Variants in CNOT7 observed in about 807,000 individuals in gnomAD.
The protein encoded by CNOT7 is CCR4-NOT transcription complex subunit 7, also known as BTG1-binding factor 1.
CNOT7 carries 4 observed loss-of-function variants against 37.1 expected under a neutral mutation model. The observed-to-expected ratio is 0.11, with a 90% CI of 0.05 to 0.25. The LOEUF (loss-of-function observed/expected upper bound fraction) is 0.25. CNOT7 is among the 10% of genes least tolerant of loss of function. The probability of loss-of-function intolerance (pLI) is 1.00; values close to 1 mark genes in which losing one functional copy is unlikely to be tolerated. For missense variants in CNOT7, 170 were observed against 336.2 expected (o/e 0.51, Z 3.87); for synonymous variants, 128 against 115.6 (o/e 1.11, Z -0.69).
chr8:17,231,914 A>C, intron 6 of CNOT7: 1 of 986,842 alleles, frequency 1.0e-6, no homozygotes, highest in Non-Finnish European at 1.2e-6. Context: ...TTAAGACTCA[A>C]TGCAGTAAAA....
At chr8:17,233,614 G>A in intron 5 of CNOT7, among the ~76,000 whole-genome samples, 1 of 152,048 alleles carries the variant, frequency 6.6e-6, no homozygotes, top group Non-Finnish European at 1.5e-5. Context: ...AAAAAAGTCA[G>A]ATGAAAACAT....
chr8:17,246,321 A>C (rs1811063234), intron 1 of CNOT7: 1 of 152,268 alleles, frequency 6.6e-6, no homozygotes, highest in Non-Finnish European at 1.5e-5. Flanking sequence ...TTCCCTGGCA[A>C]AGCGCCAGTG....
intron 3 of CNOT7, among the ~76,000 whole-genome samples, chr8:17,239,315 C>T (rs1221091125): frequency 6.6e-6 from 1 of 152,172 alleles, no homozygotes; most frequent in African/African-American, 2.4e-5. Flanking sequence ...CAACTGGCCT[C>T]CCGAAGTGCT....
At chr8:17,233,449 C>G (rs1469296971) in intron 5 of CNOT7, among the ~76,000 whole-genome samples, 1 of 152,186 alleles carries the variant, frequency 6.6e-6, no homozygotes, top group African/African-American at 2.4e-5. Flanking sequence ...GGTCAAAAAG[C>G]ACCTTTGTCG....
chr8:17,240,681 A>G (rs1000124923), intron 3 of CNOT7, among the ~76,000 whole-genome samples: 22 of 152,368 alleles, frequency 1.4e-4, no homozygotes, highest in African/African-American at 5.3e-4. Flanking sequence ...TTTAAAAACA[A>G]TGTTCTAATT....
At chr8:17,236,007 T>C (rs1251207798) in intron 4 of CNOT7, among the ~76,000 whole-genome samples, 2 of 152,158 alleles carry the variant, frequency 1.3e-5, no homozygotes, top group Non-Finnish European at 2.9e-5. Flanking sequence ...TCCAGTTCTT[T>C]TGCACCTTCA....
chr8:17,243,455 AAG>A (rs1396302551), intron 2 of CNOT7: 6 of 570,942 alleles, frequency 1.1e-5, no homozygotes, highest in African/African-American at 1.8e-5. Context: ...ATAACCAAGA[AAG>A]GGGGGAAAAT....
At chr8:17,232,683 GAA>G (rs1808789350) in intron 5 of CNOT7, 146 bp from the exon 6 acceptor site, 1 of 653,676 alleles carries the variant, frequency 1.5e-6, no homozygotes, top group Non-Finnish European at 2.6e-6. Flanking sequence ...AAGAAACAGA[GAA>G]TGTGAATTAC....
chr8:17,231,594 C>G (rs565972518), intron 6 of CNOT7: 1 of 985,200 alleles, frequency 1.0e-6, no homozygotes, highest in South Asian at 4.7e-5. Context: ...AATTTAATGT[C>G]TAAGAGAAAA....
At position 17,226,005 on chromosome 8, in the gene CNOT7, C is replaced by A. The variant is rs1265886754; in HGVS notation, c.*4715G>T. On this transcript the variant is annotated 3_prime_UTR_variant, in exon 7 of 7. Coordinates refer to ENST00000361272, the MANE Select transcript of CNOT7 (RefSeq NM_013354.7). ...AGGACAGACATAGACCCTTGAGTTT[C>A]TTCTAGTAGAGAGGTGGACAAGCCT... 9.8e-6 allele frequency: 1 copy of A among 102,034 alleles called. No individual in the cohort carries two copies. The highest frequency in any genetic ancestry group is 2.0e-5 in the Non-Finnish European group (1 of 50,204). 6.3% of individuals were successfully genotyped at this position (102,034 alleles called of 1,614,324 possible). A position where few individuals can be genotyped will look rare whatever the true frequency, so the allele number is the denominator to read the frequency against.
chr8:17,233,204 G>T (rs980622276), intron 5 of CNOT7, among the ~76,000 whole-genome samples: 1 of 152,172 alleles, frequency 6.6e-6, no homozygotes, highest in African/African-American at 2.4e-5. Flanking sequence ...GGAGAGTAAA[G>T]GGAGGGGAGA....
At chr8:17,236,304 C>T (rs905176184) in intron 4 of CNOT7, among the ~76,000 whole-genome samples, 1 of 152,166 alleles carries the variant, frequency 6.6e-6, no homozygotes, top group South Asian at 2.1e-4. Context: ...AGAGTATTAA[C>T]ATCTATGTAA....
chr8:17,246,053 A>C (rs1462224146), intron 1 of CNOT7: 1 of 152,228 alleles, frequency 6.6e-6, no homozygotes. Context: ...GAGAAACTAA[A>C]GGAGATCCAG....
At chr8:17,236,860 T>A (rs1286602385) in intron 4 of CNOT7, among the ~76,000 whole-genome samples, 1 of 152,214 alleles carries the variant, frequency 6.6e-6, no homozygotes. Context: ...TGTAAGTGAA[T>A]GGTTTCCCCC....
At chr8:17,245,860 A>C (rs2151016649) in intron 1 of CNOT7, 1 of 152,318 alleles carries the variant, frequency 6.6e-6, no homozygotes, top group South Asian at 2.1e-4. Context: ...TGGTTACCAA[A>C]GATAGATGTC....
In CNOT7 at chr8:17,232,549, A is replaced by T; in HGVS notation, c.619-12T>A. 2 of 1,603,024 alleles carry T rather than the reference A, an allele frequency of 1.2e-6. No individual in the cohort carries two copies. The highest frequency in any genetic ancestry group is 8.5e-7 in the Non-Finnish European group (1 of 1,177,316). On this transcript the variant is annotated splice_polypyrimidine_tract_variant and intron_variant, in intron 5 of 6. Transcript: ENST00000361272. ...TCCTGTAATCCACCCTAGAAAAAATAAAAAATTGCTTGTCAAGAAGAAAAA... is the reference window on the plus strand; with the variant it reads ...TCCTGTAATCCACCCTAGAAAAAATTAAAAATTGCTTGTCAAGAAGAAAAA...
intron 5 of CNOT7, 29 bp from the exon 6 acceptor site, chr8:17,232,566 G>A: frequency 3.1e-6 from 5 of 1,596,470 alleles, no homozygotes; most frequent in Non-Finnish European, 4.3e-6. Context: ...TGCTTGTCAA[G>A]AAGAAAAATC....
intron 3 of CNOT7, among the ~76,000 whole-genome samples, chr8:17,239,879 A>C (rs772614146): frequency 1.3e-5 from 2 of 152,348 alleles, no homozygotes; most frequent in Middle Eastern, 3.4e-3. Context: ...TTCACAGCTC[A>C]TCAGTACTCC....
At position 17,228,809 on chromosome 8, in the gene CNOT7, A is replaced by C. The variant is rs891518154; in HGVS notation, c.*1911T>G. 4 of 151,980 alleles carry C rather than the reference A, an allele frequency of 2.6e-5. No individual in the cohort carries two copies. Among genetic ancestry groups the C allele is most frequent in the African/African-American group, 9.7e-5 (4 of 41,428 alleles). The allele number at this position is 151,980 out of a possible 1,614,324, so 9.4% of individuals were successfully genotyped here. ...CCAGCATTGATTTCTCAAATAGTTG[A>C]ACAGAATTTAAATATTAGTTTTCTC... On this transcript the variant is annotated 3_prime_UTR_variant, in exon 7 of 7. Transcript: ENST00000361272.
Sources: allele counts gnomAD v4.1 joint callset (sites outside exome capture counted in the v4.1 genomes callset), GRCh38; gene constraint gnomAD v4.1.1; transcripts MANE v1.5; gene names NCBI Gene and HGNC (gene_info 2026-07-23, HGNC 2026-07-21).